HNRNPR: variants seen among roughly 807,000 people sequenced by gnomAD.
HNRNPR encodes the protein heterogeneous nuclear ribonucleoprotein R.
In HNRNPR, 4 loss-of-function variants were observed where a neutral mutation model predicts 70.3. That is an observed-to-expected ratio of 0.06 (90% CI 0.03 to 0.13). The LOEUF (loss-of-function observed/expected upper bound fraction) is 0.13, where lower values mean the gene tolerates loss of function less well. HNRNPR is among the 10% of genes least tolerant of loss of function. HNRNPR has a pLI of 1.00. For missense variants in HNRNPR, 423 were observed against 788.5 expected, an observed-to-expected ratio of 0.54 and a Z score of 5.55; for synonymous variants, 241 against 267.6, an observed-to-expected ratio of 0.90 and a Z score of 0.97.
chr1:23,316,935 T>A (rs2148345187), intron 8 of HNRNPR, among the ~76,000 whole-genome samples: 1 of 152,284 alleles, frequency 6.6e-6, no homozygotes, highest in East Asian at 1.9e-4. Context: ...ACTTATCTGA[T>A]TAACCCAAAG....
chr1:23,319,241 T>A (rs568176860), intron 7 of HNRNPR, among the ~76,000 whole-genome samples: 1 of 152,306 alleles, frequency 6.6e-6, no homozygotes, highest in East Asian at 1.9e-4. Context: ...TATAAATACT[T>A]AGATTTTTTT....
intron 1 of HNRNPR, 147 bp from the exon 2 acceptor site, chr1:23,341,164 G>A (rs901750631): frequency 3.4e-6 from 2 of 579,962 alleles, no homozygotes; most frequent in Non-Finnish European, 5.8e-6. Flanking sequence ...TGATGTATCT[G>A]ACCTAAATTG....
chr1:23,330,166 G>A (rs562207038), intron 5 of HNRNPR, among the ~76,000 whole-genome samples: 1 of 152,170 alleles, frequency 6.6e-6, no homozygotes, highest in Non-Finnish European at 1.5e-5. Flanking sequence ...TCAGTGGTAG[G>A]CTCTGCAAAC....
intron 5 of HNRNPR, among the ~76,000 whole-genome samples, chr1:23,327,371 T>C (rs1049530993): frequency 5.9e-5 from 9 of 152,144 alleles, no homozygotes; most frequent in Non-Finnish European, 1.2e-4. Flanking sequence ...AAGTTTATAT[T>C]CTACTGAGAG....
At position 23,310,579 on chromosome 1, in the gene HNRNPR, T is replaced by G. The variant is rs1419973955; in HGVS notation, c.1777A>C (p.Asn593His). 1 of 1,614,218 alleles carries G rather than the reference T, an allele frequency of 6.2e-7. No individual in the cohort carries two copies. ...SKRRQTNNQQNWGSQPIAQQP... is the reference protein window; with the variant it reads ...SKRRQTNNQQHWGSQPIAQQP... Reference sequence around the variant, plus strand: ...TGAGCGATGGGTTGGGAACCCCAGTTCTGTTGGTTGTTGGTCTGACGACGC... The same window carrying G: ...TGAGCGATGGGTTGGGAACCCCAGTGCTGTTGGTTGTTGGTCTGACGACGC... The change falls in exon 11 of 11, where the codon AAC becomes CAC. Residue 593 changes from asparagine to histidine, a missense_variant. Physicochemically the swap from Asn to His is moderately conservative, Grantham distance 68 (BLOSUM62 1). Around this residue, in one of 7 missense-constraint regions of HNRNPR, gnomAD observed 39 missense variants for 53.2 expected, o/e 0.73. Transcript: ENST00000302271. This position sits in a 1 kb window ranked among gnomAD's most constrained non-coding sequence, Gnocchi z 6.0.
At chr1:23,317,195 A>T (rs1475318084) in intron 8 of HNRNPR, among the ~76,000 whole-genome samples, 2 of 152,170 alleles carry the variant, frequency 1.3e-5, no homozygotes, top group African/African-American at 4.8e-5. Context: ...GCAGTGGCTC[A>T]CACCTGTAAC....
chr1:23,337,177 TG>T (rs1051958686), intron 4 of HNRNPR, among the ~76,000 whole-genome samples: 1 of 152,194 alleles, frequency 6.6e-6, no homozygotes, highest in African/African-American at 2.4e-5. Context: ...GAGACATTAC[TG>T]GATCAATCCA....
intron 10 of HNRNPR, 42 bp from the exon 11 acceptor site, chr1:23,311,108 T>C (rs1645318457): frequency 6.2e-7 from 1 of 1,608,902 alleles, no homozygotes; most frequent in Non-Finnish European, 8.5e-7. Context: ...ACAAATCAGT[T>C]TGCTTCAAGA....
chr1:23,341,270 T>C (rs991817344), intron 1 of HNRNPR, among the ~76,000 whole-genome samples: 3 of 152,184 alleles, frequency 2.0e-5, no homozygotes, highest in African/African-American at 4.8e-5. Flanking sequence ...GGCTTTAATT[T>C]ACTGAAGGTA....
chr1:23,313,874 A>G (rs1414023231), intron 8 of HNRNPR, among the ~76,000 whole-genome samples, 172 bp from the exon 9 acceptor site: 1 of 152,138 alleles, frequency 6.6e-6, no homozygotes, highest in Admixed American at 6.5e-5. Context: ...TCAGTCACCA[A>G]TTTACAAAAA....
chr1:23,332,252 A>G (rs1429554717), intron 5 of HNRNPR, among the ~76,000 whole-genome samples: 2 of 152,182 alleles, frequency 1.3e-5, no homozygotes, highest in South Asian at 4.1e-4. Context: ...TTGTTCAAGT[A>G]TGGACTAACA....
intron 8 of HNRNPR, among the ~76,000 whole-genome samples, chr1:23,316,703 A>G (rs569534317): frequency 6.6e-6 from 1 of 152,350 alleles, no homozygotes; most frequent in Non-Finnish European, 1.5e-5. Flanking sequence ...TCCAGGCTCA[A>G]TAAAATAGAT....
Position 23,318,457 on chromosome 1 carries a change from T to A in HNRNPR, c.1017+26A>T, listed in dbSNP as rs767991078. The A allele has an allele frequency of 8.3e-6, 13 of 1,557,986 alleles. No homozygotes were observed. The highest frequency in any genetic ancestry group is 1.1e-5 in the Non-Finnish European group (12 of 1,128,924). ...GTACAAAATTTAAATGATGACCCTA[T>A]GCCCATTCCAAGCAACTGTATTTAC... On this transcript the variant is annotated intron_variant, in intron 8 of 10. Transcript: ENST00000302271. This position sits in a 1 kb window ranked among gnomAD's most constrained non-coding sequence, Gnocchi z 4.2.
At chr1:23,317,110 C>T (rs990175617) in intron 8 of HNRNPR, among the ~76,000 whole-genome samples, 1 of 152,082 alleles carries the variant, frequency 6.6e-6, no homozygotes, top group Non-Finnish European at 1.5e-5. Context: ...TTGCTGCCTC[C>T]CTGTGAAGGG....
chr1:23,325,153 A>G (rs1398755233), intron 5 of HNRNPR, among the ~76,000 whole-genome samples: 1 of 152,178 alleles, frequency 6.6e-6, no homozygotes, highest in Non-Finnish European at 1.5e-5. Context: ...AAAAAAACAA[A>G]AAATTTTATA....
intron 7 of HNRNPR, among the ~76,000 whole-genome samples, chr1:23,319,612 C>T (rs933912527): frequency 4.6e-5 from 7 of 152,158 alleles, no homozygotes; most frequent in Admixed American, 3.9e-4. Flanking sequence ...ATCCACAGAG[C>T]GCTAGGAATA....
At position 23,337,786 on chromosome 1, in the gene HNRNPR, A is replaced by G; in HGVS notation, c.352T>C (p.Ser118Pro). ...TTCGCTTCATCAGGTCCCTTTGTGG[A>G]CTCTTGCACCTTGCTCCCCTGTTTC... Reference protein sequence around the residue: ...REKQGSKVQESTKGPDEAKIK... With the variant: ...REKQGSKVQEPTKGPDEAKIK... Residue 118 changes from serine to proline, a missense_variant, in exon 4 of 11, where the codon TCC (serine) becomes CCC (proline). By Grantham distance (74) the Ser-to-Pro change is moderately conservative (BLOSUM62 -1). Coordinates refer to ENST00000302271, the MANE Select transcript of HNRNPR (RefSeq NM_005826.5). The G allele has an allele frequency of 6.2e-7, 1 of 1,611,810 alleles. No homozygotes were observed. The highest frequency in any genetic ancestry group is 8.5e-7 in the Non-Finnish European group (1 of 1,178,844).
chr1:23,334,253 T>TTC (rs766521966), intron 4 of HNRNPR, among the ~76,000 whole-genome samples: 1 of 147,700 alleles, frequency 6.8e-6, no homozygotes, highest in Non-Finnish European at 1.5e-5. Context: ...TTTTTTTTTT[T>TTC]TGAGACGGAG....
chr1:23,332,732 A>C (rs1382540970), intron 5 of HNRNPR, among the ~76,000 whole-genome samples: 5 of 150,898 alleles, frequency 3.3e-5, no homozygotes, highest in Admixed American at 2.0e-4. Context: ...AAACCAAAAA[A>C]AAAACAAAAC....
Sources: allele counts gnomAD v4.1 joint callset (sites outside exome capture counted in the v4.1 genomes callset), GRCh38; gene constraint gnomAD v4.1.1; regional missense constraint gnomAD v4.1.1; non-coding constraint Gnocchi (gnomAD v3.1); transcripts MANE v1.5; gene names NCBI Gene and HGNC (gene_info 2026-07-23, HGNC 2026-07-21).